The following ARRB1 variants were observed in gnomAD, a reference collection of about 807,000 sequenced individuals.
The protein encoded by ARRB1 is beta-arrestin-1.
In ARRB1, 21 loss-of-function variants were observed where a neutral mutation model predicts 56.8. The observed-to-expected ratio is 0.37, with a 90% CI of 0.26 to 0.53. The LOEUF (loss-of-function observed/expected upper bound fraction) is 0.53. Among genes scored for constraint, ARRB1 ranks in the 20% least tolerant of loss-of-function variants. The pLI is 0.88. For missense variants in ARRB1, 424 were observed against 553.7 expected, an observed-to-expected ratio of 0.77 and a Z score of 2.35; for synonymous variants, 210 against 218.6, an observed-to-expected ratio of 0.96 and a Z score of 0.35.
At chr11:75,307,234 A>G (rs1399532627) in intron 1 of ARRB1, among the ~76,000 whole-genome samples, 1 of 152,102 alleles carries the variant, frequency 6.6e-6, no homozygotes, top group East Asian at 1.9e-4. Flanking sequence ...TGAATCAGGG[A>G]GCGGAAGGGG....
intron 1 of ARRB1, among the ~76,000 whole-genome samples, chr11:75,306,345 G>A (rs1019716977): frequency 3.5e-4 from 53 of 152,128 alleles, no homozygotes; most frequent in African/African-American, 1.2e-3. Flanking sequence ...TCTACTCGAT[G>A]TCCCCCAACT....
chr11:75,342,001 T>C (rs1310754246), intron 1 of ARRB1, among the ~76,000 whole-genome samples: 1 of 152,054 alleles, frequency 6.6e-6, no homozygotes, highest in African/African-American at 2.4e-5. Context: ...AAGGAAAGGG[T>C]CCTAGGGAGG....
intron 1 of ARRB1, among the ~76,000 whole-genome samples, chr11:75,291,577 T>TC (rs1014446295): frequency 1.3e-5 from 2 of 151,958 alleles, no homozygotes; most frequent in Admixed American, 1.3e-4. Flanking sequence ...TCCTGCCCTC[T>TC]CCCCCGAGCT....
At chr11:75,313,050 A>G (rs1947194849) in intron 1 of ARRB1, among the ~76,000 whole-genome samples, 1 of 152,220 alleles carries the variant, frequency 6.6e-6, no homozygotes, top group African/African-American at 2.4e-5. Context: ...TGAGGCTCAC[A>G]GAAGGCTCAT....
intron 5 of ARRB1, 183 bp from the exon 6 acceptor site, chr11:75,282,204 T>G: frequency 1.7e-6 from 1 of 590,946 alleles, no homozygotes; most frequent in South Asian, 2.2e-5. Context: ...AGAGCTTTCT[T>G]TATCTAAAGG....
chr11:75,294,950 GT>G (rs1270096390), intron 1 of ARRB1, among the ~76,000 whole-genome samples: 1 of 151,960 alleles, frequency 6.6e-6, no homozygotes, highest in Non-Finnish European at 1.5e-5. Flanking sequence ...CAGGCCAGGT[GT>G]GGTGGCTCAT....
intron 1 of ARRB1, among the ~76,000 whole-genome samples, chr11:75,309,848 G>C (rs963664730): frequency 7.9e-5 from 12 of 152,204 alleles, no homozygotes; most frequent in South Asian, 2.1e-4. Flanking sequence ...GCCTCAGTGA[G>C]GCAGGGAGCA....
intron 1 of ARRB1, among the ~76,000 whole-genome samples, chr11:75,331,786 T>C (rs545936318): frequency 2.6e-5 from 4 of 151,898 alleles, no homozygotes; most frequent in African/African-American, 9.7e-5. Context: ...TCACACGGAC[T>C]CGAGTGAAAC....
intron 1 of ARRB1, among the ~76,000 whole-genome samples, chr11:75,293,072 G>C (rs1946645856): frequency 6.6e-6 from 1 of 151,980 alleles, no homozygotes; most frequent in South Asian, 2.1e-4. Flanking sequence ...AGGGGCAAGG[G>C]GCACAGTGAG....
intron 1 of ARRB1, among the ~76,000 whole-genome samples, chr11:75,311,241 C>A (rs983401527): frequency 7.2e-5 from 11 of 152,176 alleles, no homozygotes; most frequent in Admixed American, 1.3e-4. Flanking sequence ...GAAGCTGGGG[C>A]AGGAGAATCA....
chr11:75,268,510 CAAAAAAAA>C (rs61409833), intron 14 of ARRB1, among the ~76,000 whole-genome samples: 5 of 61,430 alleles, frequency 8.1e-5, no homozygotes, highest in Admixed American at 2.3e-4. Flanking sequence ...GTCTCAAAAC[CAAAAAAAA>C]AAAAAAAAAA....
At chr11:75,351,234 G>A (rs1947845576) in intron 1 of ARRB1, among the ~76,000 whole-genome samples, 1 of 152,236 alleles carries the variant, frequency 6.6e-6, no homozygotes, top group Non-Finnish European at 1.5e-5. Flanking sequence ...GCTAGCGGTT[G>A]CCAGTGTGTG....
intron 1 of ARRB1, among the ~76,000 whole-genome samples, chr11:75,336,532 A>C (rs941000484): frequency 3.9e-5 from 6 of 152,146 alleles, no homozygotes; most frequent in Admixed American, 6.5e-5. Flanking sequence ...CTACTCTACG[A>C]ATCTTTATGA....
intron 1 of ARRB1, among the ~76,000 whole-genome samples, chr11:75,326,082 A>G (rs1480857324): frequency 6.6e-6 from 1 of 152,178 alleles, no homozygotes; most frequent in Non-Finnish European, 1.5e-5. Flanking sequence ...GGCATTTTCT[A>G]ATGCCTTGAA....
chr11:75,268,889 C>T lies in ARRB1; in HGVS notation c.1093G>A (p.Val365Ile), dbSNP rs1209525993. 6.2e-7 allele frequency: 1 copy of T among 1,609,246 alleles called. No homozygotes were observed. Among genetic ancestry groups the T allele is most frequent in the Non-Finnish European group, 8.5e-7 (1 of 1,178,738 alleles). ...KPKEEPPHRE[V>I]PENETPVDTN... ...CCAGAGACCTACAGATTCTGCTCAC[C>T]TTCCCGATGCGGGGGTTCCTCTTTG... is the stretch of plus-strand genomic sequence containing the variant. The change falls in exon 14 of 16, where the codon GTT (valine) becomes ATT (isoleucine). Residue 365 changes from valine to isoleucine, a missense_variant and splice_region_variant. Physicochemically the swap from Val to Ile is conservative, Grantham distance 29 (BLOSUM62 3). Transcript: ENST00000420843.
chr11:75,272,097 G>A (rs1946085925), intron 12 of ARRB1, among the ~76,000 whole-genome samples: 1 of 152,206 alleles, frequency 6.6e-6, no homozygotes, highest in Non-Finnish European at 1.5e-5. Context: ...GTCCTGAAAG[G>A]TCACCAGACA....
At chr11:75,268,997 A>T in intron 13 of ARRB1, 38 bp from the exon 14 acceptor site, 1 of 1,593,264 alleles carries the variant, frequency 6.3e-7, no homozygotes, top group Non-Finnish European at 8.6e-7. Flanking sequence ...CCTTGAGCGG[A>T]CTCACAGGCT....
At chr11:75,316,644 C>T (rs1020191838) in intron 1 of ARRB1, among the ~76,000 whole-genome samples, 4 of 151,978 alleles carry the variant, frequency 2.6e-5, no homozygotes, top group South Asian at 2.1e-4. Context: ...TTGCCAGGCA[C>T]GATGGCTCAC....
chr11:75,327,191 A>C (rs1448345302), intron 1 of ARRB1, among the ~76,000 whole-genome samples: 12 of 149,756 alleles, frequency 8.0e-5, no homozygotes, highest in Non-Finnish European at 1.5e-4. Flanking sequence ...AGTCCCAGCT[A>C]CTCGGGAGGC....
Sources: allele counts gnomAD v4.1 joint callset (sites outside exome capture counted in the v4.1 genomes callset), GRCh38; gene constraint gnomAD v4.1.1; transcripts MANE v1.5; gene names NCBI Gene and HGNC (gene_info 2026-07-23, HGNC 2026-07-21).